Variants in MAP2K6 observed in about 807,000 individuals in gnomAD.
MAP2K6 encodes mitogen-activated protein kinase kinase 6.
In MAP2K6, 16 loss-of-function variants were observed where a neutral mutation model predicts 53.7. The observed-to-expected ratio is 0.30, with a 90% CI of 0.20 to 0.45. The LOEUF (loss-of-function observed/expected upper bound fraction) is 0.45. MAP2K6 is among the 20% of genes least tolerant of loss of function. MAP2K6 has a pLI of 1.00. For missense variants in MAP2K6, 204 were observed against 411.9 expected (o/e 0.50, Z 4.37); for synonymous variants, 132 against 143.1 (o/e 0.92, Z 0.55).
At chr17:69,501,500 CT>C (rs1909173499) in intron 1 of MAP2K6, among the ~76,000 whole-genome samples, 1 of 152,124 alleles carries the variant, frequency 6.6e-6, no homozygotes, top group Non-Finnish European at 1.5e-5. Flanking sequence ...ATTGGCAAGG[CT>C]TTTTAAATTT....
chr17:69,446,668 C>T (rs1037889233), intron 1 of MAP2K6, among the ~76,000 whole-genome samples: 31 of 152,128 alleles, frequency 2.0e-4, no homozygotes, highest in African/African-American at 5.8e-4. Context: ...ATGCCAACTT[C>T]GATCAGGGGC....
At chr17:69,489,410 T>A (rs1908662926) in intron 1 of MAP2K6, among the ~76,000 whole-genome samples, 1 of 152,312 alleles carries the variant, frequency 6.6e-6, no homozygotes, top group South Asian at 2.1e-4. Context: ...TTGTGCTCAG[T>A]CTTCGCAATT....
intron 1 of MAP2K6, among the ~76,000 whole-genome samples, chr17:69,437,912 T>C (rs903411574): frequency 6.6e-6 from 1 of 152,256 alleles, no homozygotes; most frequent in East Asian, 1.9e-4. Flanking sequence ...GTATCAGTGG[T>C]TCATCCCTTT....
At chr17:69,478,501 C>A (rs1908238367) in intron 1 of MAP2K6, among the ~76,000 whole-genome samples, 1 of 152,210 alleles carries the variant, frequency 6.6e-6, no homozygotes, top group Non-Finnish European at 1.5e-5. Flanking sequence ...GGCTCAATCT[C>A]AGCTCATTGC....
intron 2 of MAP2K6, 65 bp downstream of exon 2, chr17:69,505,911 A>T: frequency 7.1e-7 from 1 of 1,404,526 alleles, no homozygotes. Flanking sequence ...CTGGGGGTTT[A>T]TTTTTGGACT....
At chr17:69,471,039 G>C (rs1283757594) in intron 1 of MAP2K6, among the ~76,000 whole-genome samples, 14 of 152,202 alleles carry the variant, frequency 9.2e-5, no homozygotes, top group Admixed American at 8.5e-4. Flanking sequence ...GAAGAGCTCA[G>C]TATATGTTTT....
chr17:69,433,033 T>C (rs1906516515), intron 1 of MAP2K6: 2 of 152,224 alleles, frequency 1.3e-5, no homozygotes, highest in African/African-American at 4.8e-5. Context: ...AAAGGCACAT[T>C]GATGCTCTCT....
intron 1 of MAP2K6, among the ~76,000 whole-genome samples, chr17:69,442,505 A>G (rs1481119348): frequency 6.6e-6 from 1 of 152,138 alleles, no homozygotes; most frequent in African/African-American, 2.4e-5. Flanking sequence ...TTCCTTCTCA[A>G]TTTCCCAACC....
intron 10 of MAP2K6, 148 bp from the exon 11 acceptor site, chr17:69,535,967 T>A: frequency 1.6e-6 from 1 of 611,216 alleles, no homozygotes; most frequent in Non-Finnish European, 2.9e-6. Context: ...ACATAAGTGT[T>A]ACAGAAGAGG....
At chr17:69,426,065 G>T (rs886226735) in intron 1 of MAP2K6, among the ~76,000 whole-genome samples, 33 of 152,234 alleles carry the variant, frequency 2.2e-4, no homozygotes, top group East Asian at 3.9e-4. Context: ...TTGTTTGTTT[G>T]TTTGCTTTTT....
At chr17:69,486,621 A>T (rs1313907519) in intron 1 of MAP2K6, among the ~76,000 whole-genome samples, 1 of 152,202 alleles carries the variant, frequency 6.6e-6, no homozygotes, top group Non-Finnish European at 1.5e-5. Flanking sequence ...GCCACACATG[A>T]TACAAACAGC....
At position 69,470,762 on chromosome 17, in the gene MAP2K6, G is replaced by C. The variant is rs1907959249; in HGVS notation, c.17-35018G>C. Among the ~76,000 whole-genome samples the C allele has an allele frequency of 2.0e-5, 3 of 152,168 alleles. No homozygotes were observed. The South Asian group carries it at 6.2e-4, about 32-fold the overall frequency. ...TCCTGGTGCTGTCTGCCTAGAACTT[G>C]ACACTACCTCCTCACACATTCTGCC... On this transcript the variant is annotated intron_variant, in intron 1 of 11. Coordinates refer to ENST00000590474, the MANE Select transcript of MAP2K6 (RefSeq NM_002758.4).
chr17:69,440,948 C>T (rs1906796611), intron 1 of MAP2K6, among the ~76,000 whole-genome samples: 1 of 152,030 alleles, frequency 6.6e-6, no homozygotes, highest in South Asian at 2.1e-4. Flanking sequence ...TTGGAGTTTG[C>T]ACAGCATGAA....
intron 1 of MAP2K6, among the ~76,000 whole-genome samples, chr17:69,446,745 C>T (rs1199355034): frequency 6.6e-6 from 1 of 152,140 alleles, no homozygotes; most frequent in Non-Finnish European, 1.5e-5. Context: ...TGAGTACCCC[C>T]CACAGACGCC....
At chr17:69,422,882 T>C (rs187738174) in intron 1 of MAP2K6, among the ~76,000 whole-genome samples, 12 of 150,312 alleles carry the variant, frequency 8.0e-5, no homozygotes, top group African/African-American at 2.8e-4. Context: ...TTTTTGTTTG[T>C]TTGTTTGTTT....
chr17:69,517,202 A>T (rs749204393), intron 3 of MAP2K6, among the ~76,000 whole-genome samples: 1 of 151,626 alleles, frequency 6.6e-6, no homozygotes, highest in Non-Finnish European at 1.5e-5. Context: ...AGACACAATG[A>T]AGGGTCATGG....
Position 69,454,434 on chromosome 17 carries a change from G to A in MAP2K6, c.16+39434G>A, listed in dbSNP as rs536897133. On this transcript the variant is annotated intron_variant, in intron 1 of 11. Transcript: ENST00000590474. ...AAGTCTTGCTCTGTTGCCCAGGCTG[G>A]AGTGCAGTAGTACAATCTGGGCTCA... Among the ~76,000 whole-genome samples, 9 of 152,302 alleles carry A rather than the reference G, an allele frequency of 5.9e-5. No individual in the cohort carries two copies. In the East Asian group the frequency reaches 1.7e-3, roughly 29 times the overall value.
chr17:69,548,402 G>T lies in MAP2K6; in HGVS notation c.*6649G>T, dbSNP rs11654541. 0.21 allele frequency: 32,369 copies of T among 151,948 alleles called. 4,139 individuals are homozygous for T. The highest frequency in any genetic ancestry group is 0.36 in the African/African-American group (14,775 of 41,410). The allele number at this position is 151,948 out of a possible 1,614,324, so 9.4% of individuals were successfully genotyped here. On this transcript the variant is annotated 3_prime_UTR_variant, in exon 12 of 12. Transcript: ENST00000590474. ...TTTGCCATACAGAATGCTATAAAAA[G>T]GACAGTCTGCCAGTGACCGAAGCTT...
At chr17:69,427,499 T>G (rs1906310798) in intron 1 of MAP2K6, among the ~76,000 whole-genome samples, 1 of 152,172 alleles carries the variant, frequency 6.6e-6, no homozygotes, top group Non-Finnish European at 1.5e-5. Context: ...CATTTTTTCT[T>G]TTATTATTTT....
Sources: allele counts gnomAD v4.1 joint callset (sites outside exome capture counted in the v4.1 genomes callset), GRCh38; gene constraint gnomAD v4.1.1; transcripts MANE v1.5; gene names NCBI Gene and HGNC (gene_info 2026-07-23, HGNC 2026-07-21).